CNTNAP2: variants seen among roughly 807,000 people sequenced by gnomAD.
The protein encoded by CNTNAP2 is contactin associated protein 2.
In CNTNAP2, 98 loss-of-function variants were observed where a neutral mutation model predicts 155.2. That is an observed-to-expected ratio of 0.63 (90% confidence interval 0.54 to 0.75). The LOEUF is 0.75. Ranked by LOEUF, CNTNAP2 falls within the 30% of genes least tolerant of loss-of-function variation. The pLI, the probability that CNTNAP2 is intolerant of heterozygous loss-of-function variation, is 0.00. For synonymous variants in CNTNAP2, 651 were observed against 631.2 expected (o/e 1.03, Z -0.47); for missense variants, 1,727 against 1,688.1 (o/e 1.02, Z -0.40).
At chr7:147,762,332 T>G (rs1797315744) in intron 13 of CNTNAP2, among the ~76,000 whole-genome samples, 1 of 152,160 alleles carries the variant, frequency 6.6e-6, no homozygotes, top group African/African-American at 2.4e-5. Flanking sequence ...CCATGAATAT[T>G]AAGCAAAATT....
intron 1 of CNTNAP2, among the ~76,000 whole-genome samples, chr7:146,546,845 G>T (rs1257666430): frequency 6.6e-6 from 1 of 151,812 alleles, no homozygotes; most frequent in Non-Finnish European, 1.5e-5. Flanking sequence ...GCGGCACTGG[G>T]GTAACTGCAC....
chr7:147,675,659 A>T (rs886234126), intron 13 of CNTNAP2, among the ~76,000 whole-genome samples: 8 of 152,088 alleles, frequency 5.3e-5, no homozygotes, highest in African/African-American at 1.9e-4. Flanking sequence ...CACTTCACAG[A>T]CACACCCAGA....
chr7:148,088,953 A>G (rs746709209), intron 15 of CNTNAP2, among the ~76,000 whole-genome samples: 5 of 152,204 alleles, frequency 3.3e-5, no homozygotes, highest in East Asian at 1.9e-4. Context: ...TAAAAGAATC[A>G]TTCATCATGG....
At chr7:146,422,549 G>T (rs1796027901) in intron 1 of CNTNAP2, among the ~76,000 whole-genome samples, 1 of 151,564 alleles carries the variant, frequency 6.6e-6, no homozygotes, top group Non-Finnish European at 1.5e-5. Context: ...TCTATCAAAT[G>T]CTCAAAGCAT....
intron 8 of CNTNAP2, among the ~76,000 whole-genome samples, chr7:147,261,476 C>A (rs1804463809): frequency 6.6e-6 from 1 of 151,956 alleles, no homozygotes. Context: ...GTTGTTCAGC[C>A]AGTGCTGGTA....
intron 3 of CNTNAP2, among the ~76,000 whole-genome samples, chr7:146,950,282 T>C (rs2129227668): frequency 6.6e-6 from 1 of 152,250 alleles, no homozygotes; most frequent in Admixed American, 6.5e-5. Context: ...AATTTTGCCA[T>C]TCTTTATGCA....
chr7:148,309,905 G>A (rs1158544674), intron 21 of CNTNAP2, among the ~76,000 whole-genome samples: 1 of 152,028 alleles, frequency 6.6e-6, no homozygotes, highest in African/African-American at 2.4e-5. Flanking sequence ...TTTGGGGGGT[G>A]GTATGGAGAG....
At chr7:146,217,936 A>G (rs983699652) in intron 1 of CNTNAP2, among the ~76,000 whole-genome samples, 4 of 152,232 alleles carry the variant, frequency 2.6e-5, no homozygotes, top group Non-Finnish European at 5.9e-5. Flanking sequence ...TAATCTGTAA[A>G]TAAACCTCTA....
Position 146,861,153 on chromosome 7 carries a change from C to G in CNTNAP2, c.402+21249C>G, listed in dbSNP as rs182501388. Reference sequence around the variant, plus strand: ...TCGTTTCACTGCAACCTCCGCCTCCCGGGTTCAAGCGATTCTCCTGCCTCA... The same window carrying G: ...TCGTTTCACTGCAACCTCCGCCTCCGGGGTTCAAGCGATTCTCCTGCCTCA... On this transcript the variant is annotated intron_variant, in intron 3 of 23. Coordinates refer to ENST00000361727, the MANE Select transcript of CNTNAP2 (RefSeq NM_014141.6). 2.7e-3 allele frequency among the ~76,000 whole-genome samples: 409 copies of G among 152,064 alleles called. 1 individual carries two copies. The highest frequency in any genetic ancestry group is 6.3e-3 in the Admixed American group (96 of 15,284).
At chr7:146,540,069 G>A (rs551552696) in intron 1 of CNTNAP2, among the ~76,000 whole-genome samples, 2 of 152,166 alleles carry the variant, frequency 1.3e-5, no homozygotes, top group South Asian at 4.1e-4. Flanking sequence ...ATAAGGCCAG[G>A]CAGAGTTTAG....
intron 9 of CNTNAP2, among the ~76,000 whole-genome samples, chr7:147,316,225 C>G (rs1795231436): frequency 6.6e-6 from 1 of 151,998 alleles, no homozygotes; most frequent in Non-Finnish European, 1.5e-5. Flanking sequence ...TCTCTCCATA[C>G]TTTGAGAAAC....
At chr7:147,254,936 C>A (rs1247943013) in intron 8 of CNTNAP2, among the ~76,000 whole-genome samples, 1 of 152,098 alleles carries the variant, frequency 6.6e-6, no homozygotes, top group Non-Finnish European at 1.5e-5. Context: ...AATTATCTTG[C>A]TCAGAAAAGA....
At position 147,132,205 on chromosome 7, in the gene CNTNAP2, A is replaced by G. The variant is rs772760608; in HGVS notation, c.1084-40A>G. The stretch of plus-strand genomic sequence containing the variant: ...GTGGTCTGACATGGATGTTCATTTT[A>G]TTCTGTGTTTTCCTCAGAGCCTGTC... On this transcript the variant is annotated intron_variant, in intron 7 of 23. Transcript: ENST00000361727. 10 of 1,611,788 alleles carry G rather than the reference A, an allele frequency of 6.2e-6. No individual in the cohort carries two copies. The South Asian group carries it at 6.6e-5, about 11-fold the overall frequency.
At chr7:147,336,868 A>G (rs1310840155) in intron 9 of CNTNAP2, among the ~76,000 whole-genome samples, 1 of 152,188 alleles carries the variant, frequency 6.6e-6, no homozygotes, top group Non-Finnish European at 1.5e-5. Flanking sequence ...CTGGCATTTT[A>G]TGATACCAAC....
intron 13 of CNTNAP2, among the ~76,000 whole-genome samples, chr7:147,763,313 G>T (rs1797335874): frequency 6.6e-6 from 1 of 151,612 alleles, no homozygotes; most frequent in South Asian, 2.1e-4. Flanking sequence ...GCCAATGATT[G>T]CAGCTGTGAT....
intron 1 of CNTNAP2, among the ~76,000 whole-genome samples, chr7:146,554,123 A>G (rs898017801): frequency 6.6e-6 from 1 of 152,158 alleles, no homozygotes; most frequent in South Asian, 2.1e-4. Flanking sequence ...CGTTGAATCT[A>G]AGGCCAAAAA....
chr7:147,776,170 A>C (rs1332522591), intron 13 of CNTNAP2, among the ~76,000 whole-genome samples: 1 of 152,180 alleles, frequency 6.6e-6, no homozygotes, highest in African/African-American at 2.4e-5. Context: ...TGATCTCAAA[A>C]GGCTATTACA....
At chr7:147,140,031 A>C (rs1278277538) in intron 8 of CNTNAP2, among the ~76,000 whole-genome samples, 2 of 152,136 alleles carry the variant, frequency 1.3e-5, no homozygotes, top group East Asian at 3.9e-4. Flanking sequence ...GGGAACTGAA[A>C]TTCTGTGCTA....
chr7:147,645,528 A>AT (rs1156936975), intron 13 of CNTNAP2, among the ~76,000 whole-genome samples: 1 of 152,204 alleles, frequency 6.6e-6, no homozygotes, highest in African/African-American at 2.4e-5. Context: ...AAATTAGAAA[A>AT]TTGTATCGAG....
Sources: gnomAD v4.1 joint callset for allele counts (sites outside exome capture counted in the v4.1 genomes callset) on GRCh38, gnomAD v4.1.1 for gene constraint, MANE v1.5 for transcripts, NCBI Gene and HGNC (gene_info 2026-07-23, HGNC 2026-07-21) for gene names.